The following YY1 variants were observed in gnomAD, a reference collection of about 807,000 sequenced individuals.
YY1 encodes the protein YY1 transcription factor.
A neutral mutation model predicts 35.6 loss-of-function variants in YY1; 2 were observed. The ratio of observed to expected loss-of-function variants is 0.06; its 90% CI spans 0.02 to 0.18. The LOEUF is 0.18. YY1 is among the 10% of genes least tolerant of loss of function. The probability of loss-of-function intolerance (pLI) is 1.00; values close to 1 mark genes in which losing one functional copy is unlikely to be tolerated. For synonymous variants in YY1, 268 were observed against 238.9 expected (o/e 1.12, Z -1.12); for missense variants, 322 against 573.4 (o/e 0.56, Z 4.48).
rs1890700187 is a variant in YY1 at position 100,239,833 on chromosome 14, G to A, written c.589G>A (p.Gly197Ser). The change falls in exon 1 of 5, where the codon GGC becomes AGC. Residue 197 changes from glycine (G) to serine (S), a missense_variant. Coordinates refer to ENST00000262238, the MANE Select transcript of YY1 (RefSeq NM_003403.5). ...SGGAGAAGGGGADPGNKKWEQ... is the reference protein window; with the variant it reads ...SGGAGAAGGGSADPGNKKWEQ... ...CGGGGCCGGCGCGGCGGGCGGCGGCGGCGCCGACCCGGGCAACAAGAAGTG... is the reference window on the plus strand; with the variant it reads ...CGGGGCCGGCGCGGCGGGCGGCGGCAGCGCCGACCCGGGCAACAAGAAGTG... The A allele has an allele frequency of 1.3e-6, 2 of 1,486,158 alleles. No individual in the cohort carries two copies. The highest frequency in any genetic ancestry group is 2.0e-4 in the Middle Eastern group (1 of 4,932). 92.1% of individuals were successfully genotyped at this position (1,486,158 alleles called of 1,614,324 possible). A position where few individuals can be genotyped will look rare whatever the true frequency, so the allele number is the denominator to read the frequency against.
intron 1 of YY1, among the ~76,000 whole-genome samples, chr14:100,245,866 C>CA (rs1890825159): frequency 6.6e-6 from 1 of 152,176 alleles, no homozygotes; most frequent in South Asian, 2.1e-4. Context: ...CCCAGCCTCC[C>CA]AAAGTGCTGG....
chr14:100,274,655 C>T, intron 2 of YY1, 43 bp from the exon 3 acceptor site: 2 of 1,557,990 alleles, frequency 1.3e-6, no homozygotes, highest in African/African-American at 2.7e-5. Flanking sequence ...TTGAGTCTAC[C>T]CACTCCTACA....
In YY1 at chr14:100,276,925, AACTC is replaced by A. The variant is rs1293230779; in HGVS notation, c.1062+279_1062+282del. The stretch of plus-strand genomic sequence containing the variant: ...GAACAGGATTGAAGAGCATACCTAA[AACTC>A]AATTTCTACTTCATTCATTACAGGA... On this transcript the variant is annotated intron_variant, in intron 4 of 4. Coordinates refer to ENST00000262238, the MANE Select transcript of YY1 (RefSeq NM_003403.5). This position sits in a 1 kb window ranked among gnomAD's most constrained non-coding sequence, Gnocchi z 4.1. 2.0e-6 allele frequency: 1 copy of A among 500,446 alleles called. No individual in the cohort carries two copies. The highest frequency in any genetic ancestry group is 3.6e-6 in the Non-Finnish European group (1 of 277,278). The allele number at this position is 500,446 out of a possible 1,614,324, so 31.0% of individuals were successfully genotyped here. A position where few individuals can be genotyped will look rare whatever the true frequency, so the allele number is the denominator to read the frequency against.
At chr14:100,269,422 A>G (rs533378947) in intron 2 of YY1, among the ~76,000 whole-genome samples, 2 of 152,296 alleles carry the variant, frequency 1.3e-5, no homozygotes, top group East Asian at 1.9e-4. Context: ...CATAATGTCT[A>G]TGCTGTTGTC....
chr14:100,243,325 G>GT (rs1374727945), intron 1 of YY1, among the ~76,000 whole-genome samples: 15 of 152,354 alleles, frequency 9.8e-5, no homozygotes, highest in Admixed American at 9.8e-4. Flanking sequence ...AGGCATGAAG[G>GT]TTTTAACTAC....
At chr14:100,247,383 C>CT (rs78485580) in intron 1 of YY1, among the ~76,000 whole-genome samples, 243 of 135,246 alleles carry the variant, frequency 1.8e-3, no homozygotes, top group Middle Eastern at 3.9e-3. Context: ...TTCTTTTTTT[C>CT]TTTTTTTTTT....
At position 100,239,904 on chromosome 14, in the gene YY1, G is replaced by A. The variant is rs1471677441; in HGVS notation, c.660G>A (p.Ser220=). 3.3e-6 allele frequency: 5 copies of A among 1,531,448 alleles called. No individual in the cohort carries two copies. Among genetic ancestry groups the A allele is most frequent in the Non-Finnish European group, 4.4e-6 (5 of 1,140,844 alleles). 94.9% of individuals were successfully genotyped at this position (1,531,448 alleles called of 1,614,324 possible). The change falls in exon 1 of 5, where the codon TCG becomes TCA. Residue 220 remains serine, a synonymous_variant. Coordinates refer to ENST00000262238, the MANE Select transcript of YY1 (RefSeq NM_003403.5). ...VQIKTLEGEF[S]VTMWSSDEKK... is the part of the protein sequence containing the mutation. The stretch of plus-strand genomic sequence containing the variant: ...TCAAGACCCTGGAGGGCGAGTTCTC[G>A]GTCACCATGTGGTCCTCAGGTGAGC...
At chr14:100,247,636 A>AG (rs1435033202) in intron 1 of YY1, among the ~76,000 whole-genome samples, 1 of 152,208 alleles carries the variant, frequency 6.6e-6, no homozygotes, top group Non-Finnish European at 1.5e-5. Context: ...GGAAGAGCCA[A>AG]GGGAGATGTT....
intron 1 of YY1, 49 bp downstream of exon 1, chr14:100,239,972 G>A: frequency 6.7e-7 from 1 of 1,498,406 alleles, no homozygotes; most frequent in Non-Finnish European, 8.9e-7. Context: ...TGTTTTGAAG[G>A]GAAGCCATGT....
intron 1 of YY1, among the ~76,000 whole-genome samples, chr14:100,242,618 A>G (rs1365934454): frequency 2.0e-5 from 3 of 151,770 alleles, no homozygotes; most frequent in Non-Finnish European, 2.9e-5. Flanking sequence ...TTGATCTCCT[A>G]ACCTCGTGAT....
At chr14:100,252,611 C>G (rs1250764269) in intron 1 of YY1, among the ~76,000 whole-genome samples, 1 of 152,162 alleles carries the variant, frequency 6.6e-6, no homozygotes, top group Non-Finnish European at 1.5e-5. Context: ...CCCACATCAC[C>G]TTACCCCCTT....
chr14:100,247,250 T>C (rs1166418086), intron 1 of YY1, among the ~76,000 whole-genome samples: 1 of 152,272 alleles, frequency 6.6e-6, no homozygotes, highest in Non-Finnish European at 1.5e-5. Context: ...AAAGCAGTTA[T>C]TGCAATGAAT....
chr14:100,251,251 G>T (rs2139576510), intron 1 of YY1, among the ~76,000 whole-genome samples: 1 of 152,344 alleles, frequency 6.6e-6, no homozygotes, highest in Non-Finnish European at 1.5e-5. Flanking sequence ...AAGGCAGTGG[G>T]AGATTGACTG....
chr14:100,264,615 G>T (rs1408930782), intron 2 of YY1, among the ~76,000 whole-genome samples: 2 of 152,238 alleles, frequency 1.3e-5, no homozygotes, highest in Admixed American at 6.5e-5. Context: ...CTCATATGCA[G>T]TGGGCAGCTA....
At chr14:100,266,182 C>T (rs1891152720) in intron 2 of YY1, among the ~76,000 whole-genome samples, 1 of 152,076 alleles carries the variant, frequency 6.6e-6, no homozygotes. Flanking sequence ...CCCCGGGTCC[C>T]ACCTACAACA....
rs192213293 is a variant in YY1, at chr14:100,246,230, C to T, written c.679+6307C>T. 3.3e-3 allele frequency among the ~76,000 whole-genome samples: 503 copies of T among 152,324 alleles called. 2 individuals are homozygous for T. Among genetic ancestry groups the T allele is most frequent in the African/African-American group, 0.012 (494 of 41,560 alleles). ...ATACATGGGTTTTGTGAGGTGAGGC[C>T]ATCATGTGCATACTGCCTGCCCATG... On this transcript the variant is annotated intron_variant, in intron 1 of 4. Transcript: ENST00000262238.
intron 3 of YY1, among the ~76,000 whole-genome samples, chr14:100,275,407 G>A (rs1891303745): frequency 6.6e-6 from 1 of 152,168 alleles, no homozygotes; most frequent in African/African-American, 2.4e-5. Flanking sequence ...TCCCTGTAAT[G>A]ACTGTGCACT....
At position 100,281,732 on chromosome 14, in the gene YY1, A is replaced by G. The variant is rs1203671028; in HGVS notation, c.*4132A>G. 6.6e-6 allele frequency: 1 copy of G among 152,120 alleles called. No homozygotes were observed. Among genetic ancestry groups the G allele is most frequent in the Non-Finnish European group, 1.5e-5 (1 of 68,060 alleles). 9.4% of individuals were successfully genotyped at this position (152,120 alleles called of 1,614,324 possible). On this transcript the variant is annotated 3_prime_UTR_variant, in exon 5 of 5. Transcript: ENST00000262238. Reference sequence around the variant, plus strand: ...GCTGGCTAGGTCTCATCCACCCCAAATTACTGACCCTTGATTTATGTTGTT... The same window carrying G: ...GCTGGCTAGGTCTCATCCACCCCAAGTTACTGACCCTTGATTTATGTTGTT...
rs1566782832 is a variant in YY1, at chr14:100,277,516, C to T, written c.1161C>T (p.Phe387=). The T allele has an allele frequency of 1.2e-6, 2 of 1,614,128 alleles. No individual in the cohort carries two copies. The highest frequency in any genetic ancestry group is 8.5e-7 in the Non-Finnish European group (1 of 1,180,040). ...HTGDRPYVCP[F]DGCNKKFAQS... is the part of the protein sequence containing the mutation. The stretch of plus-strand genomic sequence containing the variant: ...GAGACAGGCCCTATGTGTGCCCCTT[C>T]GATGGTTGTAATAAGAAGTTTGCTC... Residue 387 remains phenylalanine (F), a synonymous_variant, in exon 5 of 5, where the codon TTC becomes TTT. Transcript: ENST00000262238. This position sits in a 1 kb window ranked among gnomAD's most constrained non-coding sequence, Gnocchi z 5.6.
Sources: allele counts gnomAD v4.1 joint callset (sites outside exome capture counted in the v4.1 genomes callset), GRCh38; gene constraint gnomAD v4.1.1; non-coding constraint Gnocchi (gnomAD v3.1); transcripts MANE v1.5; gene names NCBI Gene and HGNC (gene_info 2026-07-23, HGNC 2026-07-21).